The following ANKMY2 variants were observed in gnomAD, a reference collection of about 807,000 sequenced individuals.
ANKMY2 encodes ankyrin repeat and MYND domain-containing protein 2.
ANKMY2 carries 36 observed loss-of-function variants against 50.4 expected under a neutral mutation model. That is an observed-to-expected ratio of 0.71 (90% CI 0.55 to 0.94). The LOEUF (loss-of-function observed/expected upper bound fraction) is 0.94. ANKMY2 is among the 40% of genes least tolerant of loss of function. The probability of loss-of-function intolerance (pLI) is 0.00; values close to 1 mark genes in which losing one functional copy is unlikely to be tolerated. For missense variants in ANKMY2, 565 were observed against 524.0 expected (o/e 1.08, Z -0.76); for synonymous variants, 187 against 178.8 (o/e 1.05, Z -0.36).
At chr7:16,628,155 C>G (rs1457587637) in intron 2 of ANKMY2, among the ~76,000 whole-genome samples, 4 of 152,094 alleles carry the variant, frequency 2.6e-5, no homozygotes, top group Non-Finnish European at 4.4e-5. Context: ...GTAGTGTAGG[C>G]GAAACGCTGT....
At position 16,600,634 on chromosome 7, in the gene ANKMY2, A is replaced by G. The variant is rs1406310960; in HGVS notation, c.*127T>C. ...AACAGGGGTTTGCTTGAAAACCTGTATTCTATGAAATGTGGAATCCTGCCA... is the reference window on the plus strand; with the variant it reads ...AACAGGGGTTTGCTTGAAAACCTGTGTTCTATGAAATGTGGAATCCTGCCA... On this transcript the variant is annotated 3_prime_UTR_variant, in exon 10 of 10. Transcript: ENST00000306999. 2 of 740,190 alleles carry G rather than the reference A, an allele frequency of 2.7e-6. No individual in the cohort carries two copies. The highest frequency in any genetic ancestry group is 3.0e-5 in the East Asian group (1 of 33,266). The allele number at this position is 740,190 out of a possible 1,614,324, so 45.9% of individuals were successfully genotyped here. A position where few individuals can be genotyped will look rare whatever the true frequency, so the allele number is the denominator to read the frequency against.
intron 1 of ANKMY2, among the ~76,000 whole-genome samples, chr7:16,641,459 T>C (rs1781744312): frequency 6.6e-6 from 1 of 152,218 alleles, no homozygotes; most frequent in African/African-American, 2.4e-5. Context: ...CCATATAGGT[T>C]GCATAACCTG....
intron 1 of ANKMY2, among the ~76,000 whole-genome samples, chr7:16,638,209 T>C (rs1441283635): frequency 6.6e-6 from 1 of 152,194 alleles, no homozygotes; most frequent in Non-Finnish European, 1.5e-5. Context: ...ATTTCTAACA[T>C]TGTTTATCTA....
intron 1 of ANKMY2, among the ~76,000 whole-genome samples, chr7:16,643,185 G>A (rs1030300890): frequency 6.6e-6 from 1 of 152,130 alleles, no homozygotes; most frequent in South Asian, 2.1e-4. Context: ...AAAGTCACTT[G>A]CCCAAAGGCC....
At chr7:16,644,870 A>C (rs980341686) in intron 1 of ANKMY2, 6 of 363,460 alleles carry the variant, frequency 1.7e-5, no homozygotes, top group African/African-American at 1.3e-4. Flanking sequence ...TCATCTGTGC[A>C]ACGTGGGCCG....
At chr7:16,600,983 T>G (rs764553055) in intron 9 of ANKMY2, 38 bp from the exon 10 acceptor site, 1 of 1,511,394 alleles carries the variant, frequency 6.6e-7, no homozygotes, top group East Asian at 2.3e-5. Flanking sequence ...GTTCCTACCA[T>G]GTGTCAGACA....
At position 16,604,739 on chromosome 7, in the gene ANKMY2, T is replaced by G; in HGVS notation, c.993A>C (p.Arg331Ser). 1.2e-6 allele frequency: 2 copies of G among 1,613,980 alleles called. No individual in the cohort carries two copies. Among genetic ancestry groups the G allele is most frequent in the Middle Eastern group, 1.6e-4 (1 of 6,062 alleles). Reference sequence around the variant, plus strand: ...TTCTTACCATTTTGCAAACTGAACATCTTTTACTTGCTCCCTTTTCTCCAC... The same window carrying G: ...TTCTTACCATTTTGCAAACTGAACAGCTTTTACTTGCTCCCTTTTCTCCAC... ...TTCGEKGASKRCSVCKMVIYC... is the reference protein window; with the variant it reads ...TTCGEKGASKSCSVCKMVIYC... The change falls in exon 8 of 10, where the codon AGA becomes AGC. Residue 331 changes from arginine to serine, a missense_variant. Coordinates refer to ENST00000306999, the MANE Select transcript of ANKMY2 (RefSeq NM_020319.3).
chr7:16,635,854 AAAT>A (rs2128346231), intron 2 of ANKMY2, among the ~76,000 whole-genome samples: 1 of 152,344 alleles, frequency 6.6e-6, no homozygotes, highest in East Asian at 1.9e-4. Context: ...GCTTGACAAG[AAAT>A]AATATGATTT....
chr7:16,616,307 T>C (rs994185721), intron 4 of ANKMY2, among the ~76,000 whole-genome samples: 1 of 152,174 alleles, frequency 6.6e-6, no homozygotes, highest in African/African-American at 2.4e-5. Context: ...TTAAATTTAC[T>C]CCATATAAAG....
intron 4 of ANKMY2, among the ~76,000 whole-genome samples, chr7:16,616,206 A>G (rs1268344578): frequency 6.6e-6 from 1 of 152,230 alleles, no homozygotes; most frequent in African/African-American, 2.4e-5. Flanking sequence ...ATTTTCTAAC[A>G]GTTGCTTGTA....
intron 1 of ANKMY2, among the ~76,000 whole-genome samples, chr7:16,637,817 A>G (rs948594266): frequency 9.2e-5 from 14 of 152,126 alleles, no homozygotes; most frequent in African/African-American, 3.1e-4. Flanking sequence ...AACCAAAGTT[A>G]TTTTCTTTTT....
chr7:16,607,585 A>G (rs1781180881), intron 7 of ANKMY2, among the ~76,000 whole-genome samples: 1 of 151,940 alleles, frequency 6.6e-6, no homozygotes, highest in Admixed American at 6.6e-5. Flanking sequence ...AATAAAAATA[A>G]TAATAATTAT....
At chr7:16,602,274 T>C (rs986000601) in intron 9 of ANKMY2, 106 bp downstream of exon 9, 1 of 1,370,278 alleles carries the variant, frequency 7.3e-7, no homozygotes, top group African/African-American at 1.5e-5. Context: ...CGGTCACTCC[T>C]GAGCTCCTAT....
At position 16,645,671 on chromosome 7, in the gene ANKMY2, G is replaced by A; in HGVS notation, c.-98C>T. ...AACGCCAGCCGCAATGAGGCAACTT[G>A]AGACCAAGACACTGAGTAGCCAACC... is the stretch of plus-strand genomic sequence containing the variant. On this transcript the variant is annotated 5_prime_UTR_variant, in exon 1 of 10. Coordinates refer to ENST00000306999, the MANE Select transcript of ANKMY2 (RefSeq NM_020319.3). 7.4e-7 allele frequency: 1 copy of A among 1,360,480 alleles called. No homozygotes were observed. The highest frequency in any genetic ancestry group is 1.0e-6 in the Non-Finnish European group (1 of 993,556). The allele number at this position is 1,360,480 out of a possible 1,614,324, so 84.3% of individuals were successfully genotyped here.
chr7:16,606,962 G>A (rs560991248), intron 7 of ANKMY2, among the ~76,000 whole-genome samples: 61 of 152,264 alleles, frequency 4.0e-4, no homozygotes, highest in African/African-American at 1.4e-3. Context: ...CCAGGCATTA[G>A]CACTGTCAGA....
At chr7:16,617,973 G>T (rs1157434795) in intron 4 of ANKMY2, among the ~76,000 whole-genome samples, 1 of 146,472 alleles carries the variant, frequency 6.8e-6, no homozygotes, top group Non-Finnish European at 1.5e-5. Context: ...TGTTGCCCAG[G>T]CTGTAGTGCA....
chr7:16,614,049 T>G (rs1781301275), intron 5 of ANKMY2, among the ~76,000 whole-genome samples: 1 of 152,146 alleles, frequency 6.6e-6, no homozygotes, highest in Non-Finnish European at 1.5e-5. Flanking sequence ...CAGAATATCC[T>G]GTATTGCTCA....
At chr7:16,626,321 T>G (rs1393899311) in intron 3 of ANKMY2, among the ~76,000 whole-genome samples, 1 of 152,198 alleles carries the variant, frequency 6.6e-6, no homozygotes, top group Non-Finnish European at 1.5e-5. Flanking sequence ...TTTTAAGACA[T>G]ATAATACAGA....
At chr7:16,623,118 G>C (rs1004461817) in intron 4 of ANKMY2, among the ~76,000 whole-genome samples, 1 of 152,060 alleles carries the variant, frequency 6.6e-6, no homozygotes, top group Non-Finnish European at 1.5e-5. Flanking sequence ...CTGTGTGATG[G>C]GTGGCATTTT....
Sources: allele counts gnomAD v4.1 joint callset (sites outside exome capture counted in the v4.1 genomes callset), GRCh38; gene constraint gnomAD v4.1.1; transcripts MANE v1.5; gene names NCBI Gene and HGNC (gene_info 2026-07-23, HGNC 2026-07-21).